RABGAP1L: variants seen among roughly 807,000 people sequenced by gnomAD.
RABGAP1L encodes the protein rab GTPase-activating protein 1-like.
In RABGAP1L, 63 loss-of-function variants were observed where a neutral mutation model predicts 137.7. The observed-to-expected ratio is 0.46, with a 90% CI of 0.37 to 0.56. The LOEUF is 0.56. Among genes scored for constraint, RABGAP1L ranks in the 20% least tolerant of loss-of-function variants. RABGAP1L has a pLI of 0.00. For synonymous variants in RABGAP1L, 431 were observed against 433.7 expected, an observed-to-expected ratio of 0.99 and a Z score of 0.08; for missense variants, 1,095 against 1,244.0, an observed-to-expected ratio of 0.88 and a Z score of 1.80.
intron 13 of RABGAP1L, among the ~76,000 whole-genome samples, chr1:174,540,776 G>C (rs1356535466): frequency 6.6e-6 from 1 of 152,186 alleles, no homozygotes; most frequent in South Asian, 2.1e-4. Context: ...TGGCAATGTG[G>C]GTTCTTTTTT....
chr1:174,604,279 G>T (rs1235691959), intron 13 of RABGAP1L, among the ~76,000 whole-genome samples: 1 of 152,134 alleles, frequency 6.6e-6, no homozygotes, highest in Non-Finnish European at 1.5e-5. Context: ...CCCTCCATTG[G>T]CACTGGCTGA....
chr1:174,644,994 T>A (rs1352313306), intron 14 of RABGAP1L, among the ~76,000 whole-genome samples: 1 of 152,118 alleles, frequency 6.6e-6, no homozygotes, highest in African/African-American at 2.4e-5. Flanking sequence ...ATCAAATGTA[T>A]AACATGAGCA....
chr1:174,555,345 A>G (rs927074563), intron 13 of RABGAP1L, among the ~76,000 whole-genome samples: 2 of 152,248 alleles, frequency 1.3e-5, no homozygotes, highest in Admixed American at 6.5e-5. Context: ...TGTTTTTAAT[A>G]TAGACAGAAT....
At chr1:174,934,544 T>G (rs2149269202) in intron 19 of RABGAP1L, among the ~76,000 whole-genome samples, 1 of 152,188 alleles carries the variant, frequency 6.6e-6, no homozygotes, top group South Asian at 2.1e-4. Flanking sequence ...CCCAGCACTT[T>G]GGGAGGCTGA....
Position 174,448,691 on chromosome 1 carries a change from G to T in RABGAP1L, c.1710+54546G>T. Reference sequence around the variant, plus strand: ...CCATGGTGACATTTTTGAATGGTGTGCCACGTCTTGGCTCACCAGTGCCTA... The same window carrying T: ...CCATGGTGACATTTTTGAATGGTGTTCCACGTCTTGGCTCACCAGTGCCTA... On this transcript the variant is annotated intron_variant, in intron 13 of 25. Coordinates refer to ENST00000681986, the MANE Select transcript of RABGAP1L (RefSeq NM_001366446.1). This position sits in a 1 kb window ranked among gnomAD's most constrained non-coding sequence, Gnocchi z 4.2. 6.2e-7 allele frequency: 1 copy of T among 1,613,970 alleles called. No homozygotes were observed. The highest frequency in any genetic ancestry group is 8.5e-7 in the Non-Finnish European group (1 of 1,179,898).
At chr1:174,868,938 A>T (rs1478370537) in intron 19 of RABGAP1L, among the ~76,000 whole-genome samples, 1 of 152,130 alleles carries the variant, frequency 6.6e-6, no homozygotes, top group Non-Finnish European at 1.5e-5. Context: ...GAAAATTGGT[A>T]GAGGATTGAA....
At position 174,272,486 on chromosome 1, in the gene RABGAP1L, G is replaced by A; in HGVS notation, c.1053+6G>A. 1.3e-6 allele frequency: 2 copies of A among 1,578,312 alleles called. No homozygotes were observed. Among genetic ancestry groups the A allele is most frequent in the Non-Finnish European group, 1.7e-6 (2 of 1,166,794 alleles). On this transcript the variant is annotated splice_donor_region_variant and intron_variant, in intron 8 of 25. Coordinates refer to ENST00000681986, the MANE Select transcript of RABGAP1L (RefSeq NM_001366446.1). ...ACATGCATTTACTGGATATGGTAAT[G>A]ATAATCTTAAGCACCTTAACCAAGT...
intron 14 of RABGAP1L, among the ~76,000 whole-genome samples, chr1:174,661,247 A>G (rs1676349780): frequency 6.6e-6 from 1 of 152,174 alleles, no homozygotes; most frequent in Non-Finnish European, 1.5e-5. Flanking sequence ...TAATCTAAGA[A>G]CCTCATAACC....
At chr1:174,247,330 C>G (rs1052707074) in intron 5 of RABGAP1L, among the ~76,000 whole-genome samples, 2 of 152,066 alleles carry the variant, frequency 1.3e-5, no homozygotes, top group Admixed American at 6.6e-5. Context: ...CGCTTAAGTC[C>G]GGGAGTAGCC....
At chr1:174,515,944 G>T (rs971074890) in intron 13 of RABGAP1L, among the ~76,000 whole-genome samples, 1 of 151,958 alleles carries the variant, frequency 6.6e-6, no homozygotes, top group Non-Finnish European at 1.5e-5. Flanking sequence ...CTTAGGTACC[G>T]GCTAATTATT....
chr1:174,344,894 G>T (rs1020271607), intron 11 of RABGAP1L, among the ~76,000 whole-genome samples: 1 of 152,036 alleles, frequency 6.6e-6, no homozygotes, highest in African/African-American at 2.4e-5. Context: ...TTTCCCCAAT[G>T]TTTTCTTATT....
At chr1:174,650,756 T>A (rs1317574451) in intron 14 of RABGAP1L, among the ~76,000 whole-genome samples, 1 of 149,974 alleles carries the variant, frequency 6.7e-6, no homozygotes. Context: ...TAGCGGTCTA[T>A]CAATTTTGTT....
At chr1:174,898,400 T>C (rs1657590262) in intron 19 of RABGAP1L, among the ~76,000 whole-genome samples, 1 of 152,224 alleles carries the variant, frequency 6.6e-6, no homozygotes, top group Non-Finnish European at 1.5e-5. Context: ...TACTCCCTTA[T>C]TAGATGTTAC....
chr1:174,348,987 C>T lies in RABGAP1L; in HGVS notation c.1466-21992C>T, dbSNP rs868626134. On this transcript the variant is annotated intron_variant, in intron 11 of 25. Coordinates refer to ENST00000681986, the MANE Select transcript of RABGAP1L (RefSeq NM_001366446.1). ...TGAGCTGTTGGGCACACCTCCCAGACGGGGTGGTGGCCGGGCAGAGGCGCC... is the reference window on the plus strand; with the variant it reads ...TGAGCTGTTGGGCACACCTCCCAGATGGGGTGGTGGCCGGGCAGAGGCGCC... Among the ~76,000 whole-genome samples the T allele has an allele frequency of 4.1e-3, 617 of 150,038 alleles. 2 individuals are homozygous for T. Among genetic ancestry groups the T allele is most frequent in the African/African-American group, 0.012 (491 of 41,318 alleles).
chr1:174,902,779 C>G (rs1658359508), intron 19 of RABGAP1L, among the ~76,000 whole-genome samples: 1 of 152,200 alleles, frequency 6.6e-6, no homozygotes, highest in African/African-American at 2.4e-5. Context: ...TGTCACTGCC[C>G]TGCCTGCCCC....
chr1:174,354,256 A>G (rs1386540457), intron 11 of RABGAP1L, among the ~76,000 whole-genome samples: 2 of 151,234 alleles, frequency 1.3e-5, no homozygotes, highest in African/African-American at 4.8e-5. Context: ...TTTAAATTCA[A>G]TTTAATTTTT....
intron 1 of RABGAP1L, among the ~76,000 whole-genome samples, chr1:174,200,514 A>C (rs1482433660): frequency 6.6e-6 from 1 of 152,250 alleles, no homozygotes; most frequent in Non-Finnish European, 1.5e-5. Flanking sequence ...CTATAGAATA[A>C]TCATATTTTA....
At chr1:174,252,101 G>T (rs1033616607) in intron 6 of RABGAP1L, among the ~76,000 whole-genome samples, 9 of 152,058 alleles carry the variant, frequency 5.9e-5, no homozygotes, top group African/African-American at 1.9e-4. Flanking sequence ...TACCATGTTG[G>T]CCAGGCTGGC....
chr1:174,270,590 C>T (rs1482093404), intron 7 of RABGAP1L, among the ~76,000 whole-genome samples: 1 of 150,980 alleles, frequency 6.6e-6, no homozygotes, highest in Non-Finnish European at 1.5e-5. Flanking sequence ...ATCCTTATGC[C>T]TATAAAAATA....
Sources: allele counts gnomAD v4.1 joint callset (sites outside exome capture counted in the v4.1 genomes callset), GRCh38; gene constraint gnomAD v4.1.1; non-coding constraint Gnocchi (gnomAD v3.1); transcripts MANE v1.5; gene names NCBI Gene and HGNC (gene_info 2026-07-23, HGNC 2026-07-21).